KIF21A: variants seen among roughly 807,000 people sequenced by gnomAD.
KIF21A encodes kinesin-like protein KIF21A.
KIF21A carries 114 observed loss-of-function variants against 202.9 expected under a neutral mutation model. The ratio of observed to expected loss-of-function variants is 0.56; its 90% CI spans 0.48 to 0.66. The LOEUF (loss-of-function observed/expected upper bound fraction) is 0.66. Among genes scored for constraint, KIF21A ranks in the 30% least tolerant of loss-of-function variants. The pLI, the probability that KIF21A is intolerant of heterozygous loss-of-function variation, is 0.00. For synonymous variants in KIF21A, 667 were observed against 670.8 expected (o/e 0.99, Z 0.09); for missense variants, 1,677 against 1,994.9 (o/e 0.84, Z 3.04).
chr12:39,377,297 C>G (rs1009298026), intron 1 of KIF21A, among the ~76,000 whole-genome samples: 1 of 152,078 alleles, frequency 6.6e-6, no homozygotes, highest in African/African-American at 2.4e-5. Flanking sequence ...ATGCTACTTA[C>G]TGGTGTTCAA....
chr12:39,406,002 T>C (rs934907211), intron 1 of KIF21A, among the ~76,000 whole-genome samples: 4 of 152,150 alleles, frequency 2.6e-5, no homozygotes, highest in Non-Finnish European at 5.9e-5. Flanking sequence ...CTTTGCAGAT[T>C]TCCTTTCTTC....
rs576176350 is a variant in KIF21A at position 39,334,200 on chromosome 12, CAAAAAAAA to C, written c.2419-928_2419-921del. Among the ~76,000 whole-genome samples, 351 of 63,736 alleles carry C rather than the reference CAAAAAAAA, an allele frequency of 5.5e-3. 3 individuals are homozygous for C. The highest frequency in any genetic ancestry group is 0.016 in the African/African-American group (322 of 20,702). 41.8% of individuals were successfully genotyped at this position (63,736 alleles called of 152,430 possible). A position where few individuals can be genotyped will look rare whatever the true frequency, so the allele number is the denominator to read the frequency against. On this transcript the variant is annotated intron_variant, in intron 17 of 37. Transcript: ENST00000361418. Reference sequence around the variant, plus strand: ...TGGAGGACACAGTGAGACTCCATCTCAAAAAAAAAAAAAAAAAAAAGAAAGAAAGAAAG... The same window carrying C: ...TGGAGGACACAGTGAGACTCCATCTCAAAAAAAAAAAAGAAAGAAAGAAAG...
Position 39,294,317 on chromosome 12 carries a change from G to C in KIF21A, c.*107C>G. ...CAGTTGAATTCAGATATATTTTCCA[G>C]TTAATCCGATTCATACGTTTTGCCT... On this transcript the variant is annotated 3_prime_UTR_variant, in exon 38 of 38. Coordinates refer to ENST00000361418, the MANE Select transcript of KIF21A (RefSeq NM_001173464.2). The C allele has an allele frequency of 2.5e-6, 2 of 791,682 alleles. No individual in the cohort carries two copies. Among genetic ancestry groups the C allele is most frequent in the Non-Finnish European group, 2.2e-6 (1 of 449,042 alleles). 49.0% of individuals were successfully genotyped at this position (791,682 alleles called of 1,614,324 possible). A position where few individuals can be genotyped will look rare whatever the true frequency, so the allele number is the denominator to read the frequency against.
intron 1 of KIF21A, among the ~76,000 whole-genome samples, chr12:39,400,027 T>G (rs1326611629): frequency 3.3e-5 from 5 of 152,180 alleles, no homozygotes; most frequent in African/African-American, 1.2e-4. Flanking sequence ...GTGCATAACA[T>G]CGACACAAAG....
rs567490416 is a variant in KIF21A at position 39,305,660 on chromosome 12, T to C, written c.4443-722A>G. Among the ~76,000 whole-genome samples, 3 of 152,180 alleles carry C rather than the reference T, an allele frequency of 2.0e-5. No individual in the cohort carries two copies. The East Asian group carries it at 5.8e-4, about 29-fold the overall frequency. On this transcript the variant is annotated intron_variant, in intron 34 of 37. Transcript: ENST00000361418. ...TTATTCCAAAGCTGACTAATGTCATTTAGGTAAGCAAAAAAGCAGCAGAAG... is the reference window on the plus strand; with the variant it reads ...TTATTCCAAAGCTGACTAATGTCATCTAGGTAAGCAAAAAAGCAGCAGAAG...
chr12:39,332,624 G>A lies in KIF21A; in HGVS notation c.2823C>T (p.Ser941=). ...TDIIMQKMTI[S]NMEADMNRLL... ...GTCTATTCATATCTGCCTCCATGTTGGAAATGGTCATCTTCTGCATGATGA... is the reference window on the plus strand; with the variant it reads ...GTCTATTCATATCTGCCTCCATGTTAGAAATGGTCATCTTCTGCATGATGA... Residue 941 remains serine, a synonymous_variant, in exon 20 of 38, where the codon TCC becomes TCT. Coordinates refer to ENST00000361418, the MANE Select transcript of KIF21A (RefSeq NM_001173464.2). The A allele has an allele frequency of 6.2e-7, 1 of 1,613,926 alleles. No individual in the cohort carries two copies. The highest frequency in any genetic ancestry group is 8.5e-7 in the Non-Finnish European group (1 of 1,179,950).
At chr12:39,307,188 A>C (rs1184289337) in intron 34 of KIF21A, among the ~76,000 whole-genome samples, 1 of 152,156 alleles carries the variant, frequency 6.6e-6, no homozygotes, top group African/African-American at 2.4e-5. Context: ...TAAAAAATTT[A>C]AGATATAAGA....
At chr12:39,441,660 T>TAAAAAAAAAAAAAAAAAA (rs56245570) in intron 1 of KIF21A, among the ~76,000 whole-genome samples, 845 of 37,560 alleles carry the variant, frequency 0.022, 165 homozygotes, top group East Asian at 0.047. Context: ...CCCTGGGTGG[T>TAAAAAAAAAAAAAAAAAA]AAAAAAAAAA....
At chr12:39,335,132 A>C (rs187285794) in intron 17 of KIF21A, among the ~76,000 whole-genome samples, 2 of 152,160 alleles carry the variant, frequency 1.3e-5, no homozygotes, top group African/African-American at 4.8e-5. Flanking sequence ...TAAATAAAAG[A>C]AGCCAGACAC....
At chr12:39,417,871 T>C (rs900617541) in intron 1 of KIF21A, among the ~76,000 whole-genome samples, 2 of 152,046 alleles carry the variant, frequency 1.3e-5, no homozygotes, top group African/African-American at 2.4e-5. Flanking sequence ...GGGAATCCAA[T>C]TTGGTCCAAC....
chr12:39,331,820 C>A lies in KIF21A; in HGVS notation c.3052-29G>T, dbSNP rs763731410. The A allele has an allele frequency of 3.3e-6, 5 of 1,499,150 alleles. No homozygotes were observed. The Admixed American group carries it at 6.7e-5, about 20-fold the overall frequency. 92.9% of individuals were successfully genotyped at this position (1,499,150 alleles called of 1,614,324 possible). On this transcript the variant is annotated intron_variant, in intron 21 of 37. Transcript: ENST00000361418. ...TATAAAATCAGCATAATATGATGAC[C>A]ATTACTTTGAGCTGAAAACAGAAGG...
chr12:39,333,141 A>C, intron 18 of KIF21A, 34 bp from the exon 19 acceptor site: 1 of 1,606,912 alleles, frequency 6.2e-7, no homozygotes, highest in Non-Finnish European at 8.5e-7. Context: ...TCATTCTCTT[A>C]GTCTATAGAA....
At position 39,335,389 on chromosome 12, in the gene KIF21A, C is replaced by T. The variant is rs80299984; in HGVS notation, c.2418+1707G>A. On this transcript the variant is annotated intron_variant, in intron 17 of 37. Transcript: ENST00000361418. ...ATCATGCATTGCACTCCAGCCTGGG[C>T]GACAAAGTAAGACTCTGTCTCAAAA... is the stretch of plus-strand genomic sequence containing the variant. Among the ~76,000 whole-genome samples, 474 of 130,618 alleles carry T rather than the reference C, an allele frequency of 3.6e-3. 14 individuals are homozygous for T. In the East Asian group the frequency reaches 0.081, roughly 22 times the overall value. 85.7% of individuals were successfully genotyped at this position (130,618 alleles called of 152,430 possible). A position where few individuals can be genotyped will look rare whatever the true frequency, so the allele number is the denominator to read the frequency against.
chr12:39,304,856 G>C lies in KIF21A; in HGVS notation c.4525C>G (p.Leu1509Val). The change falls in exon 35 of 38, where the codon CTA becomes GTA. Residue 1509 changes from leucine to valine, a missense_variant. Leu to Val is a conservative substitution (Grantham distance 32). Transcript: ENST00000361418. Reference protein sequence around the residue: ...TVDQISSGQDLIITGSKDHYI... With the variant: ...TVDQISSGQDVIITGSKDHYI... ...TGATCCTTGGAGCCAGTGATGATTA[G>C]ATCTTGTCCACTGGAAATCTGATCC... 2 of 1,601,310 alleles carry C rather than the reference G, an allele frequency of 1.2e-6. No homozygotes were observed. Among genetic ancestry groups the C allele is most frequent in the African/African-American group, 1.3e-5 (1 of 74,808 alleles).
rs371395634 is a variant in KIF21A, at chr12:39,335,177, G to A, written c.2419-1897C>T. ...CAGTGGCTCACACCTTTGGGAGGCC[G>A]AGGCGGGGCGGATCACTTGAGGTCA... On this transcript the variant is annotated intron_variant, in intron 17 of 37. Transcript: ENST00000361418. 3.3e-5 allele frequency among the ~76,000 whole-genome samples: 5 copies of A among 152,040 alleles called. No individual in the cohort carries two copies. The South Asian group carries it at 8.3e-4, about 25-fold the overall frequency.
rs186334095 is a variant in KIF21A, at chr12:39,344,436, C to T, written c.1712+2030G>A. 1.2e-3 allele frequency among the ~76,000 whole-genome samples: 179 copies of T among 152,316 alleles called. 2 individuals are homozygous for T. Among genetic ancestry groups the T allele is most frequent in the African/African-American group, 3.5e-3 (144 of 41,562 alleles). ...CTCCTGGGCAGTCTCCCTTTCTCAC[C>T]TGTGACTGCTACAGAATACAGTTTT... is the stretch of plus-strand genomic sequence containing the variant. On this transcript the variant is annotated intron_variant, in intron 12 of 37. Transcript: ENST00000361418.
chr12:39,371,885 C>T lies in KIF21A; in HGVS notation c.45-1624G>A, dbSNP rs183325978. On this transcript the variant is annotated intron_variant, in intron 1 of 37. Transcript: ENST00000361418. ...TGAAGGTTGCAGTGAGCCAAGACAG[C>T]ACCACTGCACTCCAGCCTGGGCGAC... Among the ~76,000 whole-genome samples the T allele has an allele frequency of 4.1e-4, 62 of 151,122 alleles. No individual in the cohort carries two copies. In the East Asian group the frequency reaches 0.011, roughly 27 times the overall value.
In KIF21A at chr12:39,389,452, T is replaced by C. The variant is rs184610472; in HGVS notation, c.45-19191A>G. On this transcript the variant is annotated intron_variant, in intron 1 of 37. Transcript: ENST00000361418. ...ATAAACTGAGAAATAATGTGCACCA[T>C]GGTGAACTTGCCAGATGCCCTAACT... Among the ~76,000 whole-genome samples, 349 of 152,228 alleles carry C rather than the reference T, an allele frequency of 2.3e-3. 1 individual carries two copies. The highest frequency in any genetic ancestry group is 5.6e-3 in the South Asian group (27 of 4,818).
chr12:39,425,953 ATG>A (rs1954709484), intron 1 of KIF21A, among the ~76,000 whole-genome samples: 1 of 150,774 alleles, frequency 6.6e-6, no homozygotes, highest in Admixed American at 6.6e-5. Context: ...AAAAAAAAAA[ATG>A]GAGCTGTCAA....
Sources: allele counts gnomAD v4.1 joint callset (sites outside exome capture counted in the v4.1 genomes callset), GRCh38; gene constraint gnomAD v4.1.1; transcripts MANE v1.5; gene names NCBI Gene and HGNC (gene_info 2026-07-23, HGNC 2026-07-21).